PUS7L: variants seen among roughly 807,000 people sequenced by gnomAD.
PUS7L encodes the protein pseudouridine synthase 7 like.
Under a neutral mutation model 51.1 loss-of-function variants are expected in PUS7L, and 49 were observed. The ratio of observed to expected loss-of-function variants is 0.96; its 90% CI spans 0.76 to 1.22. PUS7L has a LOEUF of 1.22. Among genes scored for constraint, PUS7L ranks in the 50% most tolerant of loss-of-function variants. The pLI, the probability that PUS7L is intolerant of heterozygous loss-of-function variation, is 0.00. For missense variants in PUS7L, 828 were observed against 820.6 expected, an observed-to-expected ratio of 1.01 and a Z score of -0.11; for synonymous variants, 277 against 276.2, an observed-to-expected ratio of 1.00 and a Z score of -0.03.
At chr12:43,742,315 C>G (rs1236619768) in intron 5 of PUS7L, 142 bp downstream of exon 5, 1 of 604,354 alleles carries the variant, frequency 1.7e-6, no homozygotes. Flanking sequence ...CAGCAGCTTA[C>G]TAAATGTTCA....
At position 43,738,385 on chromosome 12, in the gene PUS7L, C is replaced by T; in HGVS notation, c.1369G>A (p.Ala457Thr). The change falls in exon 6 of 9, where the codon GCC (alanine) becomes ACC (threonine). Residue 457 changes from alanine to threonine, a missense_variant. Ala to Thr is a moderately conservative substitution (Grantham distance 58). Coordinates refer to ENST00000344862, the MANE Select transcript of PUS7L (RefSeq NM_031292.5). ...LALLKNEMMKAIKLFLTPEDL... is the reference protein window; with the variant it reads ...LALLKNEMMKTIKLFLTPEDL... ...TCTGGTGTAAGAAACAATTTTATGG[C>T]TTTCATCTTAAAAAATCAAGCAGGT... The T allele has an allele frequency of 6.4e-7, 1 of 1,558,910 alleles. No homozygotes were observed. Among genetic ancestry groups the T allele is most frequent in the South Asian group, 1.1e-5 (1 of 88,640 alleles).
chr12:43,730,643 C>T lies in PUS7L; in HGVS notation c.1839G>A (p.Trp613Ter). Reference sequence around the variant, plus strand: ...CATCTCTGCTAAGTATGTCATGGTACCACTGCCCTACTTTGTTCTTCGGGT... The same window carrying T: ...CATCTCTGCTAAGTATGTCATGGTATCACTGCCCTACTTTGTTCTTCGGGT... ...IQYPKNKVGQ[W>*]YHDILSRDGL... Residue 613 changes from tryptophan (W) to a stop codon, truncating the protein, a stop_gained, in exon 9 of 9, where the codon TGG becomes TGA. Transcript: ENST00000344862. LOFTEE classifies it low-confidence loss of function (END_TRUNC). The T allele has an allele frequency of 1.2e-6, 2 of 1,613,602 alleles. No individual in the cohort carries two copies. Among genetic ancestry groups the T allele is most frequent in the Non-Finnish European group, 1.7e-6 (2 of 1,179,670 alleles).
chr12:43,754,837 G>C lies in PUS7L; in HGVS notation c.409C>G (p.Leu137Val). Residue 137 changes from leucine to valine, a missense_variant, in exon 2 of 9, where the codon CTG becomes GTG. Leu to Val is a conservative substitution (Grantham distance 32, BLOSUM62 1). Coordinates refer to ENST00000344862, the MANE Select transcript of PUS7L (RefSeq NM_031292.5). ...CTTACATCACAGGCAAAATTATTCA[G>C]TAACTCATGAGTTTTTTCATCCAAA... ...SFLDEKTHEL[L>V]NNFACDVREK... is the part of the protein sequence containing the mutation. The C allele has an allele frequency of 1.9e-6, 3 of 1,613,650 alleles. No individual in the cohort carries two copies. The highest frequency in any genetic ancestry group is 2.5e-6 in the Non-Finnish European group (3 of 1,179,838).
At chr12:43,747,279 TAAAC>T (rs1938215512) in intron 3 of PUS7L, among the ~76,000 whole-genome samples, 1 of 152,214 alleles carries the variant, frequency 6.6e-6, no homozygotes, top group South Asian at 2.1e-4. Flanking sequence ...CAGGGAATGT[TAAAC>T]AAATTAGTCT....
At chr12:43,751,452 G>GT (rs1180379283) in intron 2 of PUS7L, among the ~76,000 whole-genome samples, 3 of 151,066 alleles carry the variant, frequency 2.0e-5, no homozygotes, top group African/African-American at 7.3e-5. Context: ...GCAGTGTTTG[G>GT]TTTTTTGTCC....
At chr12:43,745,339 T>A (rs185567705) in intron 4 of PUS7L, among the ~76,000 whole-genome samples, 68 of 152,320 alleles carry the variant, frequency 4.5e-4, no homozygotes, top group Admixed American at 2.6e-3. Flanking sequence ...TCATCTTGAA[T>A]TGTAGTTTCC....
rs143739935 is a variant in PUS7L, at chr12:43,748,531, G to A, written c.989C>T (p.Ser330Leu). 2,659 of 1,611,302 alleles carry A rather than the reference G, an allele frequency of 1.7e-3. 6 individuals carry two copies. Among genetic ancestry groups the A allele is most frequent in the Non-Finnish European group, 2.1e-3 (2,446 of 1,179,174 alleles). Residue 330 changes from serine (S) to leucine (L), a missense_variant, in exon 3 of 9, where the codon TCG becomes TTG. Physicochemically the swap from Ser to Leu is moderately radical, Grantham distance 145 (BLOSUM62 -2). Coordinates refer to ENST00000344862, the MANE Select transcript of PUS7L (RefSeq NM_031292.5). Reference sequence around the variant, plus strand: ...TTTAAGGCCTGCATAACTAAAATCCGAAGGAATAACACCAAGTTTGATAGC... The same window carrying A: ...TTTAAGGCCTGCATAACTAAAATCCAAAGGAATAACACCAAGTTTGATAGC... ...FLAIKLGVIP[S>L]DFSYAGLKDK... is the part of the protein sequence containing the mutation.
In PUS7L at chr12:43,729,242, T is replaced by C. The variant is rs1173098790; in HGVS notation, c.*1134A>G. The stretch of plus-strand genomic sequence containing the variant: ...CAATAAGCAAATTTTGCATTGCATA[T>C]AGCTTCTCTTCCTTCTTTTGGATTT... On this transcript the variant is annotated 3_prime_UTR_variant, in exon 9 of 9. Coordinates refer to ENST00000344862, the MANE Select transcript of PUS7L (RefSeq NM_031292.5). The C allele has an allele frequency of 7.5e-6, 3 of 397,946 alleles. No individual in the cohort carries two copies. The East Asian group carries it at 1.1e-4, about 14-fold the overall frequency. 24.7% of individuals were successfully genotyped at this position (397,946 alleles called of 1,614,324 possible).
At chr12:43,731,218 T>C (rs779149139) in intron 8 of PUS7L, among the ~76,000 whole-genome samples, 2 of 152,190 alleles carry the variant, frequency 1.3e-5, no homozygotes, top group Non-Finnish European at 1.5e-5. Flanking sequence ...TGGTGTCTTC[T>C]AGACAGTTTT....
chr12:43,742,374 A>C, intron 5 of PUS7L, 83 bp downstream of exon 5: 6 of 898,810 alleles, frequency 6.7e-6, no homozygotes, highest in Non-Finnish European at 1.1e-5. Flanking sequence ...TTTATATGCT[A>C]GAGTTAAGAA....
At chr12:43,732,136 C>G (rs944289565) in intron 7 of PUS7L, among the ~76,000 whole-genome samples, 1 of 151,912 alleles carries the variant, frequency 6.6e-6, no homozygotes, top group African/African-American at 2.4e-5. Context: ...CTCTGTCCCC[C>G]GAAAATATAA....
intron 4 of PUS7L, among the ~76,000 whole-genome samples, chr12:43,743,817 T>G (rs979285404): frequency 1.3e-5 from 2 of 151,096 alleles, no homozygotes; most frequent in African/African-American, 4.8e-5. Context: ...TTAAATCTCA[T>G]AAATATTTTT....
chr12:43,726,977 C>T lies in PUS7L; in HGVS notation c.*3399G>A, dbSNP rs1459484650. 6.6e-6 allele frequency: 1 copy of T among 152,018 alleles called. No individual in the cohort carries two copies. The allele number at this position is 152,018 out of a possible 1,614,324, so 9.4% of individuals were successfully genotyped here. Reference sequence around the variant, plus strand: ...TGAACAAAGGTCTGATATCCAGAATCTATGAAGAACTTAACAAGCAAAAAA... The same window carrying T: ...TGAACAAAGGTCTGATATCCAGAATTTATGAAGAACTTAACAAGCAAAAAA... On this transcript the variant is annotated 3_prime_UTR_variant, in exon 9 of 9. Transcript: ENST00000344862.
intron 2 of PUS7L, among the ~76,000 whole-genome samples, chr12:43,750,166 C>T (rs1271361011): frequency 2.7e-5 from 4 of 149,858 alleles, no homozygotes; most frequent in Non-Finnish European, 5.9e-5. Flanking sequence ...ATTCAAAAAG[C>T]TCAGCAATTT....
rs1330931020 is a variant in PUS7L at position 43,755,034 on chromosome 12, G to C, written c.212C>G (p.Pro71Arg). 15 of 1,612,606 alleles carry C rather than the reference G, an allele frequency of 9.3e-6. No homozygotes were observed. Among genetic ancestry groups the C allele is most frequent in the Non-Finnish European group, 1.3e-5 (15 of 1,179,396 alleles). The change falls in exon 2 of 9, where the codon CCA becomes CGA. Residue 71 changes from proline (P) to arginine (R), a missense_variant. By Grantham distance (103) the Pro-to-Arg change is moderately radical (BLOSUM62 -2). Transcript: ENST00000344862. Reference sequence around the variant, plus strand: ...GGACAGATTTTGAAGATCTAGTTTTGGTTTTTTGGGAAAATTATTTGGCTC... The same window carrying C: ...GGACAGATTTTGAAGATCTAGTTTTCGTTTTTTGGGAAAATTATTTGGCTC... ...QLEPNNFPKK[P>R]KLDLQNLSLE...
Position 43,754,726 on chromosome 12 carries a change from T to A in PUS7L, c.520A>T (p.Ser174Cys). Reference sequence around the variant, plus strand: ...TTCTGCCTAATGGCACTGTGTAAACTAGCCCTCTGGTTTTTGTCAAGGATT... The same window carrying A: ...TTCTGCCTAATGGCACTGTGTAAACAAGCCCTCTGGTTTTTGTCAAGGATT... ...GRILDKNQRA[S>C]LHSAIRQKFP... The change falls in exon 2 of 9, where the codon AGT becomes TGT. Residue 174 changes from serine (S) to cysteine (C), a missense_variant. Coordinates refer to ENST00000344862, the MANE Select transcript of PUS7L (RefSeq NM_031292.5). 6.2e-7 allele frequency: 1 copy of A among 1,614,032 alleles called. No individual in the cohort carries two copies. Among genetic ancestry groups the A allele is most frequent in the African/African-American group, 1.3e-5 (1 of 75,056 alleles).
chr12:43,756,481 G>A (rs928646984), intron 1 of PUS7L, among the ~76,000 whole-genome samples: 5 of 152,154 alleles, frequency 3.3e-5, no homozygotes, highest in Non-Finnish European at 7.4e-5. Context: ...GCCTGCCATT[G>A]GGCTTTACCA....
chr12:43,739,012 T>C (rs118070124), intron 5 of PUS7L: 2,918 of 158,066 alleles, frequency 0.018, 59 homozygotes, highest in South Asian at 0.073. Flanking sequence ...AATGTTTGTA[T>C]TGTTACAGAA....
chr12:43,735,043 C>T (rs10880556), intron 7 of PUS7L, among the ~76,000 whole-genome samples: 26,172 of 152,072 alleles, frequency 0.17, 3,434 homozygotes, highest in African/African-American at 0.37. Context: ...TGGCCGGGTG[C>T]GGAGGCTCAC....
Sources: gnomAD v4.1 joint callset for allele counts (sites outside exome capture counted in the v4.1 genomes callset) on GRCh38, gnomAD v4.1.1 for gene constraint, MANE v1.5 for transcripts, NCBI Gene and HGNC (gene_info 2026-07-23, HGNC 2026-07-21) for gene names.